The following CHCHD3 variants were observed in gnomAD, a reference collection of about 807,000 sequenced individuals.
CHCHD3 encodes the protein coiled-coil-helix-coiled-coil-helix domain containing 3, also known as MICOS complex subunit MIC19.
CHCHD3 carries 20 observed loss-of-function variants against 38.2 expected under a neutral mutation model. The observed-to-expected ratio is 0.52, with a 90% confidence interval of 0.37 to 0.76. The LOEUF (loss-of-function observed/expected upper bound fraction) is 0.76, where lower values mean the gene tolerates loss of function less well. Among genes scored for constraint, CHCHD3 ranks in the 30% least tolerant of loss-of-function variants. CHCHD3 has a pLI of 0.00. For synonymous variants in CHCHD3, 82 were observed against 100.0 expected (o/e 0.82, Z 1.07); for missense variants, 245 against 279.2 (o/e 0.88, Z 0.87).
At chr7:132,885,415 A>G (rs1450332311) in intron 5 of CHCHD3, among the ~76,000 whole-genome samples, 1 of 152,150 alleles carries the variant, frequency 6.6e-6, no homozygotes, top group Non-Finnish European at 1.5e-5. Flanking sequence ...ACATATAAGA[A>G]AAGTATTTGC....
intron 4 of CHCHD3, among the ~76,000 whole-genome samples, chr7:132,897,141 T>C (rs1175141125): frequency 1.3e-5 from 2 of 152,232 alleles, no homozygotes. Context: ...ATCTTCTTAT[T>C]CCATATTGTG....
intron 6 of CHCHD3, among the ~76,000 whole-genome samples, chr7:132,828,205 T>C (rs1332666221): frequency 2.0e-5 from 3 of 152,206 alleles, no homozygotes; most frequent in Non-Finnish European, 2.9e-5. Flanking sequence ...ACATTTTTTT[T>C]CAAAGGACTT....
chr7:132,797,866 G>GA (rs889162694), intron 6 of CHCHD3, among the ~76,000 whole-genome samples: 8 of 151,996 alleles, frequency 5.3e-5, no homozygotes, highest in Non-Finnish European at 1.2e-4. Context: ...TACATACAGA[G>GA]AAAAAAAGCA....
chr7:132,888,828 G>C (rs1182815483), intron 4 of CHCHD3, among the ~76,000 whole-genome samples: 1 of 151,956 alleles, frequency 6.6e-6, no homozygotes, highest in Non-Finnish European at 1.5e-5. Flanking sequence ...TCATAAAATA[G>C]CATGTGCCCT....
intron 2 of CHCHD3, among the ~76,000 whole-genome samples, chr7:133,042,365 C>A (rs1328054248): frequency 1.3e-5 from 2 of 152,146 alleles, no homozygotes; most frequent in African/African-American, 4.8e-5. Flanking sequence ...CAAAGACACA[C>A]CTCCAAGGCT....
At chr7:133,049,560 G>A (rs1045979110) in intron 2 of CHCHD3, among the ~76,000 whole-genome samples, 1 of 152,148 alleles carries the variant, frequency 6.6e-6, no homozygotes, top group Non-Finnish European at 1.5e-5. Context: ...AACCAATAAT[G>A]CTTGAGGGCA....
intron 1 of CHCHD3, among the ~76,000 whole-genome samples, chr7:133,071,684 A>T (rs1204287002): frequency 1.3e-5 from 2 of 152,246 alleles, no homozygotes; most frequent in East Asian, 1.9e-4. Context: ...CATAAGAGCA[A>T]GGGTGGAAAC....
intron 7 of CHCHD3, 42 bp from the exon 8 acceptor site, chr7:132,785,702 G>A (rs755187156): frequency 1.6e-5 from 25 of 1,601,204 alleles, no homozygotes; most frequent in Non-Finnish European, 2.1e-5. Flanking sequence ...CACCGGGAGA[G>A]GACAAAAAAT....
intron 3 of CHCHD3, among the ~76,000 whole-genome samples, chr7:132,981,965 C>T (rs1178267112): frequency 3.3e-5 from 5 of 152,228 alleles, no homozygotes; most frequent in South Asian, 2.1e-4. Flanking sequence ...GTGACGACAA[C>T]CTCAAAGGTC....
intron 4 of CHCHD3, among the ~76,000 whole-genome samples, chr7:132,915,647 TTC>T (rs1810083536): frequency 6.6e-6 from 1 of 152,204 alleles, no homozygotes; most frequent in Admixed American, 6.5e-5. Context: ...CATTTCAAAT[TTC>T]TGACTCCAAA....
intron 4 of CHCHD3, among the ~76,000 whole-genome samples, chr7:132,960,322 A>G (rs149862502): frequency 1.3e-4 from 20 of 152,254 alleles, no homozygotes; most frequent in Non-Finnish European, 2.5e-4. Flanking sequence ...CAGAGAGCAT[A>G]TGTACAGTTA....
intron 2 of CHCHD3, among the ~76,000 whole-genome samples, chr7:133,045,182 T>G (rs972881139): frequency 1.3e-5 from 2 of 152,170 alleles, no homozygotes; most frequent in Non-Finnish European, 2.9e-5. Context: ...TCCCATTTAA[T>G]TAACAAAAGA....
chr7:132,954,492 T>C (rs1290430402), intron 4 of CHCHD3, among the ~76,000 whole-genome samples: 1 of 152,070 alleles, frequency 6.6e-6, no homozygotes, highest in African/African-American at 2.4e-5. Context: ...TCAGGGATTA[T>C]CCTCAGGCAA....
At chr7:132,876,503 G>T (rs781539899) in intron 5 of CHCHD3, among the ~76,000 whole-genome samples, 1 of 151,992 alleles carries the variant, frequency 6.6e-6, no homozygotes, top group Non-Finnish European at 1.5e-5. Context: ...AAACCATCAG[G>T]GTAAACAGAA....
chr7:132,806,933 T>G (rs923718082), intron 6 of CHCHD3, among the ~76,000 whole-genome samples: 2 of 152,190 alleles, frequency 1.3e-5, no homozygotes, highest in Non-Finnish European at 2.9e-5. Flanking sequence ...GCAGACCTGG[T>G]GTGGTTAAGG....
At position 132,907,888 on chromosome 7, in the gene CHCHD3, A is replaced by C. The variant is rs185677227; in HGVS notation, c.370-22143T>G. 2.2e-3 allele frequency among the ~76,000 whole-genome samples: 335 copies of C among 152,322 alleles called. 1 individual carries two copies. The highest frequency in any genetic ancestry group is 3.0e-3 in the Non-Finnish European group (203 of 68,030). ...AAATATCTTCTAAAGGAAAGGTATA[A>C]ATTCTAGTGAGAGGGCAGTGAACTG... On this transcript the variant is annotated intron_variant, in intron 4 of 7. Transcript: ENST00000262570.
intron 6 of CHCHD3, among the ~76,000 whole-genome samples, chr7:132,822,170 T>C (rs1234998786): frequency 6.6e-6 from 1 of 152,190 alleles, no homozygotes; most frequent in Non-Finnish European, 1.5e-5. Context: ...TCTCCTATTA[T>C]ATCAGCTTCT....
intron 4 of CHCHD3, among the ~76,000 whole-genome samples, chr7:132,940,653 A>AT (rs1395571270): frequency 1.3e-5 from 2 of 152,066 alleles, no homozygotes; most frequent in African/African-American, 4.8e-5. Flanking sequence ...TTCAGCAGTC[A>AT]TTTTTTCCAC....
chr7:132,802,604 T>C (rs1363848372), intron 6 of CHCHD3, among the ~76,000 whole-genome samples: 3 of 152,198 alleles, frequency 2.0e-5, no homozygotes. Flanking sequence ...AAACAAGCCA[T>C]TGGCTAATTT....
Sources: gnomAD v4.1 joint callset for allele counts (sites outside exome capture counted in the v4.1 genomes callset) on GRCh38, gnomAD v4.1.1 for gene constraint, MANE v1.5 for transcripts, NCBI Gene and HGNC (gene_info 2026-07-23, HGNC 2026-07-21) for gene names.